GALC: variants seen among roughly 807,000 people sequenced by gnomAD.
GALC encodes galactocerebrosidase.
A neutral mutation model predicts 91.8 loss-of-function variants in GALC; 77 were observed. The ratio of observed to expected loss-of-function variants is 0.84; its 90% CI spans 0.70 to 1.01. The LOEUF is 1.01. Ranked by LOEUF, GALC falls within the 50% of genes least tolerant of loss-of-function variation. The probability of loss-of-function intolerance (pLI) is 0.00; values close to 1 mark genes in which losing one functional copy is unlikely to be tolerated. For synonymous variants in GALC, 357 were observed against 306.7 expected (o/e 1.16, Z -1.71); for missense variants, 882 against 855.9 (o/e 1.03, Z -0.38).
Position 87,933,918 on chromosome 14 carries a change from G to C in GALC, c.*814C>G, listed in dbSNP as rs1884460731. ...TGTTACCAGTGCACATGTGAGGACA[G>C]ACCACAGCACAGTGAGATGAGGCTG... On this transcript the variant is annotated 3_prime_UTR_variant, in exon 17 of 17. Coordinates refer to ENST00000261304, the MANE Select transcript of GALC (RefSeq NM_000153.4). 15 of 1,375,438 alleles carry C rather than the reference G, an allele frequency of 1.1e-5. No individual in the cohort carries two copies. In the South Asian group the frequency reaches 1.6e-4, roughly 15 times the overall value. 85.2% of individuals were successfully genotyped at this position (1,375,438 alleles called of 1,614,324 possible).
Position 87,949,363 on chromosome 14 carries a change from A to C in GALC, c.1338+482T>G, listed in dbSNP as rs183782659. Among the ~76,000 whole-genome samples, 8 of 152,156 alleles carry C rather than the reference A, an allele frequency of 5.3e-5. No homozygotes were observed. The East Asian group carries it at 1.6e-3, about 30-fold the overall frequency. On this transcript the variant is annotated intron_variant, in intron 12 of 16. Transcript: ENST00000261304. ...CTACACTAAGGAATGTTAACTTCTA[A>C]GAAAATAATCACTGAGGTCCTCTGA...
Position 87,934,533 on chromosome 14 carries a change from C to A in GALC, c.*199G>T. The A allele has an allele frequency of 1.4e-6, 2 of 1,445,556 alleles. No homozygotes were observed. The highest frequency in any genetic ancestry group is 1.8e-6 in the Non-Finnish European group (2 of 1,106,356). The allele number at this position is 1,445,556 out of a possible 1,614,324, so 89.5% of individuals were successfully genotyped here. ...CACACCAGGTAATGTTAAAGATTCACCAGTTTTCCCCTTGGAATTAATTCT... is the reference window on the plus strand; with the variant it reads ...CACACCAGGTAATGTTAAAGATTCAACAGTTTTCCCCTTGGAATTAATTCT... On this transcript the variant is annotated 3_prime_UTR_variant, in exon 17 of 17. Transcript: ENST00000261304.
chr14:87,945,732 A>ATC lies in GALC; in HGVS notation c.1490-1_1490dup (p.Asp497GlufsTer57). 6.2e-7 allele frequency: 1 copy of ATC among 1,606,790 alleles called. No individual in the cohort carries two copies. The highest frequency in any genetic ancestry group is 8.5e-7 in the Non-Finnish European group (1 of 1,174,790). ...TTGGAGCTTCACTAAAAAATGGGTA[A>ATC]TCTGTTCAGAATGTAAGAAATTCTC... On this transcript the variant is annotated frameshift_variant and splice_region_variant, in exon 14 of 17. Transcript: ENST00000261304. LOFTEE classifies it high-confidence loss of function.
At chr14:87,963,565 C>T in intron 9 of GALC, 54 bp from the exon 10 acceptor site, 44 of 1,461,118 alleles carry the variant, frequency 3.0e-5, no homozygotes, top group Non-Finnish European at 4.0e-5. Flanking sequence ...AATAGTATTT[C>T]TTTTGGGAAA....
intron 6 of GALC, among the ~76,000 whole-genome samples, chr14:87,977,925 G>A (rs1886572065): frequency 6.6e-6 from 1 of 152,116 alleles, no homozygotes; most frequent in Non-Finnish European, 1.5e-5. Context: ...TGAGTTCTAG[G>A]ACACCCTAGA....
intron 1 of GALC, 85 bp downstream of exon 1, chr14:87,992,885 G>A (rs1887269380): frequency 4.9e-6 from 7 of 1,424,588 alleles, no homozygotes; most frequent in Admixed American, 2.8e-5. Flanking sequence ...TGGAAACGCA[G>A]GGCAACGCCG....
chr14:87,947,326 C>T lies in GALC; in HGVS notation c.1489+402G>A, dbSNP rs561541543. The stretch of plus-strand genomic sequence containing the variant: ...TATAATGAGTTGGATCAGCCAAGGA[C>T]AACATAACTGCCCATAAGCACTCAG... On this transcript the variant is annotated intron_variant, in intron 13 of 16. Transcript: ENST00000261304. Among the ~76,000 whole-genome samples the T allele has an allele frequency of 1.5e-4, 23 of 151,812 alleles. No individual in the cohort carries two copies. In the East Asian group the frequency reaches 2.5e-3, roughly 17 times the overall value.
At chr14:87,993,659 T>C (rs1595247382), upstream of GALC, 2 of 609,286 alleles carry the variant, frequency 3.3e-6, no homozygotes. Flanking sequence ...GAAAAGTTAA[T>C]AAGCACTCAG....
At position 87,982,251 on chromosome 14, in the gene GALC, AC is replaced by A. The variant is rs1886782078; in HGVS notation, c.583-9del. ...TGACCTCTCATTCCAAATCTGCAAA[AC>A]AAAAAGTCAAAAAAGTCTGAATTGA... On this transcript the variant is annotated splice_polypyrimidine_tract_variant and intron_variant, in intron 5 of 16. Transcript: ENST00000261304. 8.3e-6 allele frequency: 13 copies of A among 1,572,070 alleles called. No individual in the cohort carries two copies. In the East Asian group the frequency reaches 1.8e-4, roughly 22 times the overall value.
chr14:87,965,641 G>T lies in GALC; in HGVS notation c.909-12C>A. ...TCCATGCGATTGTGCTAAAAGATTTGATAAAAAAGAAACACCAAGACAACT... is the reference window on the plus strand; with the variant it reads ...TCCATGCGATTGTGCTAAAAGATTTTATAAAAAAGAAACACCAAGACAACT... On this transcript the variant is annotated splice_polypyrimidine_tract_variant and intron_variant, in intron 8 of 16. Transcript: ENST00000261304. 1 of 1,612,400 alleles carries T rather than the reference G, an allele frequency of 6.2e-7. No individual in the cohort carries two copies. Among genetic ancestry groups the T allele is most frequent in the Non-Finnish European group, 8.5e-7 (1 of 1,179,028 alleles).
At chr14:87,956,129 C>A (rs1885528144) in intron 10 of GALC, among the ~76,000 whole-genome samples, 1 of 151,870 alleles carries the variant, frequency 6.6e-6, no homozygotes, top group Non-Finnish European at 1.5e-5. Flanking sequence ...TACAGAAATC[C>A]ACCAGCAATT....
chr14:87,934,374 T>C lies in GALC; in HGVS notation c.*358A>G. 1 of 1,266,070 alleles carries C rather than the reference T, an allele frequency of 7.9e-7. No individual in the cohort carries two copies. The highest frequency in any genetic ancestry group is 1.0e-6 in the Non-Finnish European group (1 of 997,472). 78.4% of individuals were successfully genotyped at this position (1,266,070 alleles called of 1,614,324 possible). A position where few individuals can be genotyped will look rare whatever the true frequency, so the allele number is the denominator to read the frequency against. On this transcript the variant is annotated 3_prime_UTR_variant, in exon 17 of 17. Transcript: ENST00000261304. ...TAAATACATCTCAGTGATGATCAAGTTACTGCCATCTACAGGACCGCTTGC... is the reference window on the plus strand; with the variant it reads ...TAAATACATCTCAGTGATGATCAAGCTACTGCCATCTACAGGACCGCTTGC...
At chr14:87,961,481 AAC>A (rs1885800202) in intron 10 of GALC, among the ~76,000 whole-genome samples, 1 of 152,196 alleles carries the variant, frequency 6.6e-6, no homozygotes, top group Non-Finnish European at 1.5e-5. Context: ...GAGAACTGAA[AAC>A]ACGTTCACAG....
At chr14:87,980,105 G>T (rs974204049) in intron 6 of GALC, among the ~76,000 whole-genome samples, 2 of 152,108 alleles carry the variant, frequency 1.3e-5, no homozygotes, top group African/African-American at 4.8e-5. Context: ...ATTATTGGCT[G>T]GGCGCAGTGG....
In GALC at chr14:87,945,714, T is replaced by C. The variant is rs2139951641; in HGVS notation, c.1509A>G (p.Glu503=). 1.9e-6 allele frequency: 3 copies of C among 1,611,306 alleles called. No homozygotes were observed. The highest frequency in any genetic ancestry group is 8.5e-7 in the Non-Finnish European group (1 of 1,178,352). The change falls in exon 14 of 17, where the codon GAA becomes GAG. Residue 503 remains glutamate, a synonymous_variant. Transcript: ENST00000261304. The part of the protein sequence containing the change: ...DFNVDYPFFS[E]APNFADQTGV... ...CAGTTTGATCAGCAAAGTTTGGAGC[T>C]TCACTAAAAAATGGGTAATCTGTTC...
intron 4 of GALC, among the ~76,000 whole-genome samples, chr14:87,985,187 C>T (rs1886918549): frequency 6.6e-6 from 1 of 151,876 alleles, no homozygotes; most frequent in Non-Finnish European, 1.5e-5. Flanking sequence ...TAGAAAAGTA[C>T]TTATTATAAT....
rs568823451 is a variant in GALC, at chr14:87,940,930, GA to G, written c.1834+464del. On this transcript the variant is annotated intron_variant, in intron 15 of 16. Coordinates refer to ENST00000261304, the MANE Select transcript of GALC (RefSeq NM_000153.4). ...ACACAAGGGCTGTAAAGATGACTGA[GA>G]AAAGTCAAGCTATTTTCAAGTATTA... is the stretch of plus-strand genomic sequence containing the variant. Among the ~76,000 whole-genome samples the G allele has an allele frequency of 7.9e-5, 12 of 152,008 alleles. No homozygotes were observed. In the South Asian group the frequency reaches 2.1e-3, roughly 26 times the overall value.
At position 87,952,710 on chromosome 14, in the gene GALC, G is replaced by A. The variant is rs894680423; in HGVS notation, c.1162-1962C>T. 2.6e-6 allele frequency: 4 copies of A among 1,517,242 alleles called. No homozygotes were observed. The African/African-American group carries it at 5.5e-5, about 21-fold the overall frequency. The allele number at this position is 1,517,242 out of a possible 1,614,324, so 94.0% of individuals were successfully genotyped here. On this transcript the variant is annotated intron_variant, in intron 10 of 16. Coordinates refer to ENST00000261304, the MANE Select transcript of GALC (RefSeq NM_000153.4). ...ATCTATTGGTCTCCAGATCTTAGTG[G>A]TCATTTCTTACTTAGCAAACTGTAT... is the stretch of plus-strand genomic sequence containing the variant.
At chr14:87,978,141 C>T (rs1342454613) in intron 6 of GALC, among the ~76,000 whole-genome samples, 3 of 152,326 alleles carry the variant, frequency 2.0e-5, no homozygotes, top group Middle Eastern at 3.4e-3. Context: ...CAACCTCTGC[C>T]TCCCAGGATC....
Sources: gnomAD v4.1 joint callset for allele counts (sites outside exome capture counted in the v4.1 genomes callset) on GRCh38, gnomAD v4.1.1 for gene constraint, MANE v1.5 for transcripts, NCBI Gene and HGNC (gene_info 2026-07-23, HGNC 2026-07-21) for gene names.